BCAS2: variants seen among roughly 807,000 people sequenced by gnomAD.
BCAS2 encodes BCAS2 pre-mRNA processing factor, also known as pre-mRNA-splicing factor SPF27.
Under a neutral mutation model 35.3 loss-of-function variants are expected in BCAS2, and 34 were observed. That is an observed-to-expected ratio of 0.96 (90% CI 0.73 to 1.28). BCAS2 has a LOEUF of 1.28. Ranked by LOEUF, BCAS2 falls within the 50% of genes most tolerant of loss-of-function variation. The pLI is 0.00. For synonymous variants in BCAS2, 75 were observed against 91.6 expected, an observed-to-expected ratio of 0.82 and a Z score of 1.03; for missense variants, 221 against 268.1, an observed-to-expected ratio of 0.82 and a Z score of 1.23.
chr1:114,579,844 T>C (rs1654845239), intron 2 of BCAS2, among the ~76,000 whole-genome samples: 1 of 152,128 alleles, frequency 6.6e-6, no homozygotes, highest in Admixed American at 6.5e-5. Flanking sequence ...CCAGCCTGGG[T>C]GACGTAATGA....
At chr1:114,576,620 T>C in intron 3 of BCAS2, 68 bp downstream of exon 3, 1 of 1,319,866 alleles carries the variant, frequency 7.6e-7, no homozygotes, top group South Asian at 1.2e-5. Context: ...AAATACATTC[T>C]TCACAAATCT....
chr1:114,576,649 C>T, intron 3 of BCAS2, 39 bp downstream of exon 3: 3 of 1,520,924 alleles, frequency 2.0e-6, no homozygotes, highest in Middle Eastern at 3.4e-4. Context: ...TACTGAGTTA[C>T]TACAAACTAA....
intron 2 of BCAS2, 68 bp from the exon 3 acceptor site, chr1:114,576,826 G>C: frequency 1.6e-6 from 2 of 1,245,866 alleles, no homozygotes; most frequent in Non-Finnish European, 2.3e-6. Flanking sequence ...AATCACCAAA[G>C]AACAGATTTA....
chr1:114,576,595 C>G, intron 3 of BCAS2, 93 bp downstream of exon 3: 1 of 1,073,214 alleles, frequency 9.3e-7, no homozygotes, highest in Non-Finnish European at 1.4e-6. Context: ...GCCAACACTG[C>G]CAATATTAGC....
At chr1:114,569,964 A>C (rs921454250) in intron 6 of BCAS2, 28 bp downstream of exon 6, 1 of 1,544,324 alleles carries the variant, frequency 6.5e-7, no homozygotes, top group African/African-American at 1.4e-5. Flanking sequence ...TAAACAATTT[A>C]AAAGATGATG....
chr1:114,569,687 AAGG>A (rs1654601149), intron 6 of BCAS2, among the ~76,000 whole-genome samples: 1 of 151,688 alleles, frequency 6.6e-6, no homozygotes, highest in African/African-American at 2.4e-5. Flanking sequence ...TTCCGTTTAA[AAGG>A]AGAATAAAGG....
intron 3 of BCAS2, 82 bp from the exon 4 acceptor site, chr1:114,575,833 T>G (rs1032773236): frequency 5.0e-5 from 72 of 1,454,022 alleles, no homozygotes; most frequent in Admixed American, 2.5e-4. Context: ...GTCCCATGAG[T>G]CTCCATATAG....
intron 4 of BCAS2, among the ~76,000 whole-genome samples, chr1:114,571,737 C>G (rs1252081425): frequency 6.6e-6 from 1 of 152,064 alleles, no homozygotes; most frequent in Non-Finnish European, 1.5e-5. Flanking sequence ...ATTTCTCAAC[C>G]CCCTTTTATC....
intron 2 of BCAS2, among the ~76,000 whole-genome samples, chr1:114,580,581 T>C (rs900711257): frequency 2.0e-5 from 3 of 152,186 alleles, no homozygotes; most frequent in Non-Finnish European, 4.4e-5. Context: ...TATATCTAGC[T>C]CCTCACTGTA....
Position 114,575,589 on chromosome 1 carries a change from C to A in BCAS2, c.419+1G>T, listed in dbSNP as rs1356693800. The A allele has an allele frequency of 6.3e-7, 1 of 1,581,982 alleles. No individual in the cohort carries two copies. The highest frequency in any genetic ancestry group is 1.4e-5 in the African/African-American group (1 of 72,812). ...CAGAAGATGAAGAAAAAGGTTCTTA[C>A]TCATTGTATACTTTCCAGGCATTAC... On this transcript the variant is annotated splice_donor_variant, in intron 4 of 6. Coordinates refer to ENST00000369541, the MANE Select transcript of BCAS2 (RefSeq NM_005872.3). LOFTEE classifies it high-confidence loss of function.
At chr1:114,581,071 AT>A (rs1365448419) in intron 2 of BCAS2, among the ~76,000 whole-genome samples, 1 of 152,156 alleles carries the variant, frequency 6.6e-6, no homozygotes, top group Non-Finnish European at 1.5e-5. Context: ...GTAGCCACAA[AT>A]TTTTGCATTA....
At position 114,581,484 on chromosome 1, in the gene BCAS2, A is replaced by T. The variant is rs760570128; in HGVS notation, c.93+15T>A. 1.2e-6 allele frequency: 2 copies of T among 1,613,916 alleles called. No individual in the cohort carries two copies. The highest frequency in any genetic ancestry group is 1.3e-5 in the African/African-American group (1 of 74,882). ...AGCTAGCAGTGAGTCAGCTACAAAG[A>T]CACCCCGCACTCACCGCTTCCCGCA... On this transcript the variant is annotated intron_variant, in intron 1 of 6. Transcript: ENST00000369541.
intron 6 of BCAS2, among the ~76,000 whole-genome samples, chr1:114,569,564 T>C (rs936136572): frequency 2.6e-5 from 4 of 151,720 alleles, no homozygotes; most frequent in Non-Finnish European, 5.9e-5. Flanking sequence ...AGTGCAGTGG[T>C]GTGATTATGA....
At position 114,570,762 on chromosome 1, in the gene BCAS2, G is replaced by C. The variant is rs781524905; in HGVS notation, c.420-12C>G. 1.9e-6 allele frequency: 3 copies of C among 1,563,512 alleles called. No homozygotes were observed. Among genetic ancestry groups the C allele is most frequent in the Non-Finnish European group, 2.6e-6 (3 of 1,144,276 alleles). ...TATGAACTAGATTTCTGAAGGAAAA[G>C]AGGAAAATCAGATTAAAATACATTA... On this transcript the variant is annotated splice_polypyrimidine_tract_variant and intron_variant, in intron 4 of 6. Transcript: ENST00000369541.
intron 2 of BCAS2, among the ~76,000 whole-genome samples, chr1:114,577,944 G>A (rs3789625): frequency 0.13 from 19,068 of 152,236 alleles, 1,701 homozygotes; most frequent in East Asian, 0.45. Flanking sequence ...TGTAATCCCA[G>A]CACTTCGGGA....
chr1:114,575,555 CAAAA>C (rs756481934), intron 4 of BCAS2, 31 bp downstream of exon 4: 1 of 1,554,080 alleles, frequency 6.4e-7, no homozygotes, highest in Non-Finnish European at 8.7e-7. Flanking sequence ...AGAGAAAAAA[CAAAA>C]AAAACAGAAG....
At chr1:114,576,245 C>CTA (rs1280617063) in intron 3 of BCAS2, among the ~76,000 whole-genome samples, 1,647 of 142,336 alleles carry the variant, frequency 0.012, 22 homozygotes, top group Non-Finnish European at 0.014. Context: ...CTCTCTCTCT[C>CTA]TCTATATATA....
chr1:114,568,568 C>T (rs897008597), intron 6 of BCAS2, among the ~76,000 whole-genome samples: 8 of 151,572 alleles, frequency 5.3e-5, no homozygotes, highest in South Asian at 2.1e-4. Context: ...GGTTTCACCA[C>T]GTTGGCCAGG....
intron 5 of BCAS2, 80 bp from the exon 6 acceptor site, chr1:114,570,152 A>C: frequency 3.2e-6 from 3 of 949,428 alleles, no homozygotes; most frequent in Non-Finnish European, 5.0e-6. Context: ...ACACAAGAGA[A>C]TATCTTAATC....
Sources: allele counts gnomAD v4.1 joint callset (sites outside exome capture counted in the v4.1 genomes callset), GRCh38; gene constraint gnomAD v4.1.1; transcripts MANE v1.5; gene names NCBI Gene and HGNC (gene_info 2026-07-23, HGNC 2026-07-21).